Variants in BRD7 observed in about 807,000 individuals in gnomAD.
The protein encoded by BRD7 is bromodomain-containing protein 7.
BRD7 carries 15 observed loss-of-function variants against 82.1 expected under a neutral mutation model. The ratio of observed to expected loss-of-function variants is 0.18; its 90% confidence interval spans 0.12 to 0.28. BRD7 has a LOEUF of 0.28. Ranked by LOEUF, BRD7 falls within the 10% of genes least tolerant of loss-of-function variation. The pLI is 1.00. For synonymous variants in BRD7, 232 were observed against 266.9 expected (o/e 0.87, Z 1.27); for missense variants, 638 against 779.9 (o/e 0.82, Z 2.17).
chr16:50,332,584 T>C (rs1465258409), intron 8 of BRD7, among the ~76,000 whole-genome samples: 3 of 152,190 alleles, frequency 2.0e-5, no homozygotes, highest in African/African-American at 7.2e-5. Flanking sequence ...AGTTTGGAGA[T>C]TTCCCAAAGA....
intron 13 of BRD7, 35 bp from the exon 14 acceptor site, chr16:50,320,809 C>T (rs1321174370): frequency 7.0e-7 from 1 of 1,428,686 alleles, no homozygotes; most frequent in Non-Finnish European, 9.9e-7. Flanking sequence ...ATTACTGGCG[C>T]TTGCTAAGCC....
At chr16:50,344,148 G>T (rs1467723297) in intron 5 of BRD7, among the ~76,000 whole-genome samples, 6 of 140,934 alleles carry the variant, frequency 4.3e-5, no homozygotes, top group African/African-American at 1.6e-4. Flanking sequence ...ACCCAAACAG[G>T]GTCTGGAGTA....
At chr16:50,355,564 TA>T (rs2038699768) in intron 2 of BRD7, among the ~76,000 whole-genome samples, 1 of 152,194 alleles carries the variant, frequency 6.6e-6, no homozygotes, top group South Asian at 2.1e-4. Flanking sequence ...GTACATAGAA[TA>T]ATCTTAGTAT....
At chr16:50,350,889 G>A (rs1324406003) in intron 4 of BRD7, among the ~76,000 whole-genome samples, 2 of 152,204 alleles carry the variant, frequency 1.3e-5, no homozygotes, top group African/African-American at 4.8e-5. Flanking sequence ...CACTGTACCA[G>A]AAGCTCTTGG....
intron 11 of BRD7, among the ~76,000 whole-genome samples, chr16:50,324,501 C>T (rs1330799171): frequency 2.0e-5 from 3 of 152,208 alleles, no homozygotes; most frequent in East Asian, 1.9e-4. Flanking sequence ...CTCTCATCAA[C>T]GCCCTCCCTG....
chr16:50,327,520 C>T (rs1429343677), intron 9 of BRD7, among the ~76,000 whole-genome samples: 2 of 152,208 alleles, frequency 1.3e-5, no homozygotes, highest in African/African-American at 2.4e-5. Flanking sequence ...TTGAAAACAG[C>T]ACTAGCTCCT....
chr16:50,330,595 T>C (rs2037523933), intron 8 of BRD7, among the ~76,000 whole-genome samples: 1 of 152,152 alleles, frequency 6.6e-6, no homozygotes, highest in East Asian at 1.9e-4. Flanking sequence ...ATCTTATAAA[T>C]CTACAAGATC....
chr16:50,334,908 G>T lies in BRD7; in HGVS notation c.703-13C>A. The T allele has an allele frequency of 1.2e-6, 2 of 1,603,762 alleles. No individual in the cohort carries two copies. The highest frequency in any genetic ancestry group is 1.1e-5 in the South Asian group (1 of 89,770). The stretch of plus-strand genomic sequence containing the variant: ...TCTGAATTCTTTCCTAAACATATTC[G>T]AAAATATTCTTATTATATGTTTGTC... On this transcript the variant is annotated splice_polypyrimidine_tract_variant and intron_variant, in intron 6 of 16. Coordinates refer to ENST00000394688, the MANE Select transcript of BRD7 (RefSeq NM_013263.5).
chr16:50,328,879 A>G, intron 8 of BRD7, 135 bp from the exon 9 acceptor site: 1 of 661,512 alleles, frequency 1.5e-6, no homozygotes, highest in Non-Finnish European at 2.6e-6. Context: ...TTACATATAC[A>G]TAATGAGATA....
At chr16:50,323,789 G>T in intron 11 of BRD7, 91 bp from the exon 12 acceptor site, 1 of 849,260 alleles carries the variant, frequency 1.2e-6, no homozygotes, top group East Asian at 2.5e-5. Flanking sequence ...AGATGTCCTC[G>T]GTTATACATC....
At chr16:50,336,922 T>C (rs999549480) in intron 6 of BRD7, among the ~76,000 whole-genome samples, 8 of 152,240 alleles carry the variant, frequency 5.3e-5, no homozygotes, top group Admixed American at 3.3e-4. Context: ...TCTTCAATTT[T>C]ACAATATTAA....
Position 50,317,860 on chromosome 16 carries a change from A to AC in BRD7, c.*1350dup, listed in dbSNP as rs1454003118. ...CTGAGTTAACTTTTGTGAAAATAAT[A>AC]CCTAAGGTTTTCTGGCTTATTGAGG... On this transcript the variant is annotated 3_prime_UTR_variant, in exon 17 of 17. Transcript: ENST00000394688. 6.6e-6 allele frequency: 1 copy of AC among 152,196 alleles called. No homozygotes were observed. Among genetic ancestry groups the AC allele is most frequent in the Non-Finnish European group, 1.5e-5 (1 of 68,002 alleles). The allele number at this position is 152,196 out of a possible 1,614,324, so 9.4% of individuals were successfully genotyped here. A position where few individuals can be genotyped will look rare whatever the true frequency, so the allele number is the denominator to read the frequency against.
intron 5 of BRD7, among the ~76,000 whole-genome samples, chr16:50,340,378 A>G (rs895793543): frequency 6.6e-6 from 1 of 152,184 alleles, no homozygotes; most frequent in Admixed American, 6.5e-5. Context: ...TCTTCAGTAT[A>G]ATCTTACTGC....
chr16:50,335,351 C>T (rs904063702), intron 6 of BRD7, among the ~76,000 whole-genome samples: 7 of 152,194 alleles, frequency 4.6e-5, no homozygotes, highest in African/African-American at 1.7e-4. Context: ...TCACGGATGA[C>T]GCTGGCATTT....
Position 50,368,898 on chromosome 16 carries a change from G to T in BRD7, c.-124C>A, listed in dbSNP as rs1000149866. On this transcript the variant is annotated 5_prime_UTR_variant, in exon 1 of 17. Coordinates refer to ENST00000394688, the MANE Select transcript of BRD7 (RefSeq NM_013263.5). ...CGCGAGACCCCGCGCCGCGAGGCAG[G>T]GGGGCGGCGCGCGCCGGGCGGCGCG... 8.2e-6 allele frequency: 4 copies of T among 487,956 alleles called. No homozygotes were observed. Among genetic ancestry groups the T allele is most frequent in the Admixed American group, 6.5e-5 (1 of 15,272 alleles). 30.2% of individuals were successfully genotyped at this position (487,956 alleles called of 1,614,324 possible). A position where few individuals can be genotyped will look rare whatever the true frequency, so the allele number is the denominator to read the frequency against.
Position 50,348,730 on chromosome 16 carries a change from C to T in BRD7, c.591+1293G>A, listed in dbSNP as rs537852570. On this transcript the variant is annotated intron_variant, in intron 5 of 16. Coordinates refer to ENST00000394688, the MANE Select transcript of BRD7 (RefSeq NM_013263.5). ...AGATACCATCTCACACCAGTTAGAA[C>T]GGTGATCATTAAAAAGTCAGGAAAC... is the stretch of plus-strand genomic sequence containing the variant. 3.0e-3 allele frequency among the ~76,000 whole-genome samples: 464 copies of T among 152,144 alleles called. 3 individuals are homozygous for T. The highest frequency in any genetic ancestry group is 6.8e-3 in the Middle Eastern group (2 of 292).
At chr16:50,366,825 C>T (rs1469081339) in intron 2 of BRD7, among the ~76,000 whole-genome samples, 1 of 152,090 alleles carries the variant, frequency 6.6e-6, no homozygotes, top group East Asian at 1.9e-4. Flanking sequence ...AAAAAAACAA[C>T]TGGTTACCTC....
At chr16:50,348,918 AG>A (rs2038399716) in intron 5 of BRD7, 1 of 152,302 alleles carries the variant, frequency 6.6e-6, no homozygotes, top group Non-Finnish European at 1.5e-5. Flanking sequence ...ATATACCCAA[AG>A]GATTATAAAT....
intron 8 of BRD7, among the ~76,000 whole-genome samples, chr16:50,333,240 T>C (rs2037646396): frequency 1.3e-5 from 2 of 152,230 alleles, no homozygotes; most frequent in East Asian, 1.9e-4. Context: ...TTAGAACATA[T>C]TATAACTTCA....
Sources: gnomAD v4.1 joint callset for allele counts (sites outside exome capture counted in the v4.1 genomes callset) on GRCh38, gnomAD v4.1.1 for gene constraint, MANE v1.5 for transcripts, NCBI Gene and HGNC (gene_info 2026-07-23, HGNC 2026-07-21) for gene names.